GABRR2: variants seen among roughly 807,000 people sequenced by gnomAD.
GABRR2 encodes gamma-aminobutyric acid receptor subunit rho-2.
Under a neutral mutation model 47.0 loss-of-function variants are expected in GABRR2, and 36 were observed. The ratio of observed to expected loss-of-function variants is 0.77; its 90% confidence interval spans 0.59 to 1.01. The LOEUF (loss-of-function observed/expected upper bound fraction) is 1.01. Ranked by LOEUF, GABRR2 falls within the 50% of genes least tolerant of loss-of-function variation. GABRR2 has a pLI of 0.00. For synonymous variants in GABRR2, 204 were observed against 227.5 expected, an observed-to-expected ratio of 0.90 and a Z score of 0.93; for missense variants, 587 against 594.6, an observed-to-expected ratio of 0.99 and a Z score of 0.13.
chr6:89,261,577 C>A (rs1773746484), intron 8 of GABRR2, among the ~76,000 whole-genome samples: 1 of 152,188 alleles, frequency 6.6e-6, no homozygotes, highest in African/African-American at 2.4e-5. Context: ...AGAACAGATT[C>A]TTTATGGCCA....
intron 1 of GABRR2, among the ~76,000 whole-genome samples, chr6:89,312,244 T>G (rs1025354688): frequency 6.6e-6 from 1 of 152,156 alleles, no homozygotes; most frequent in Admixed American, 6.5e-5. Context: ...GTTGGAAGGC[T>G]GAGAGCTGGG....
chr6:89,307,132 A>T (rs1767581640), intron 1 of GABRR2, among the ~76,000 whole-genome samples: 2 of 152,200 alleles, frequency 1.3e-5, no homozygotes, highest in Admixed American at 1.3e-4. Context: ...CATTTGGTCA[A>T]CATCATCTGT....
At chr6:89,288,036 G>A (rs1774361084) in intron 2 of GABRR2, among the ~76,000 whole-genome samples, 1 of 152,206 alleles carries the variant, frequency 6.6e-6, no homozygotes, top group Admixed American at 6.5e-5. Context: ...CAGAGTGGTG[G>A]TTTTCAAACA....
At chr6:89,258,649 A>T (rs1428419591) in intron 8 of GABRR2, among the ~76,000 whole-genome samples, 1 of 151,168 alleles carries the variant, frequency 6.6e-6, no homozygotes, top group Non-Finnish European at 1.5e-5. Context: ...TGAGCTCAAG[A>T]GGTCAAGGCT....
intron 2 of GABRR2, among the ~76,000 whole-genome samples, chr6:89,272,547 A>T (rs781482174): frequency 6.6e-6 from 1 of 152,014 alleles, no homozygotes; most frequent in Non-Finnish European, 1.5e-5. Context: ...ATTTTTTTTA[A>T]ACTTAGAAAG....
At chr6:89,298,074 G>A (rs1410680113) in intron 2 of GABRR2, among the ~76,000 whole-genome samples, 8 of 152,194 alleles carry the variant, frequency 5.3e-5, no homozygotes, top group Admixed American at 2.0e-4. Flanking sequence ...TGCCCATGAC[G>A]AATCCCCGAG....
In GABRR2 at chr6:89,257,777, C is replaced by A. The variant is rs185415592; in HGVS notation, c.1291G>T (p.Gly431Cys). The A allele has an allele frequency of 1.9e-6, 3 of 1,614,000 alleles. No individual in the cohort carries two copies. Among genetic ancestry groups the A allele is most frequent in the East Asian group, 4.5e-5 (2 of 44,882 alleles). ...TGGGTATTCTGGAAGATACGAAAAC[C>A]CGTCTGGCCCTTCAGAAGCCCCTTC... The part of the protein sequence containing the change: ...RKKGLLKGQT[G>C]FRIFQNTHAI... The change falls in exon 9 of 9, where the codon GGT becomes TGT. Residue 431 changes from glycine to cysteine, a missense_variant. By Grantham distance (159) the Gly-to-Cys change is radical (BLOSUM62 -3). Coordinates refer to ENST00000402938, the MANE Select transcript of GABRR2 (RefSeq NM_002043.5).
At chr6:89,302,969 T>C (rs1468736230) in intron 1 of GABRR2, 2 of 1,295,604 alleles carry the variant, frequency 1.5e-6, no homozygotes, top group Non-Finnish European at 2.1e-6. Flanking sequence ...GGCAAGGGCA[T>C]GGACGAGATG....
At chr6:89,301,093 A>G (rs1156648425) in intron 1 of GABRR2, among the ~76,000 whole-genome samples, 1 of 152,256 alleles carries the variant, frequency 6.6e-6, no homozygotes, top group East Asian at 1.9e-4. Context: ...TAACATACGC[A>G]AATCAATAAA....
chr6:89,267,471 G>T (rs747206946), intron 6 of GABRR2, among the ~76,000 whole-genome samples: 1 of 152,212 alleles, frequency 6.6e-6, no homozygotes, highest in Non-Finnish European at 1.5e-5. Context: ...GGAGGCTGAC[G>T]TGGGAGGATC....
Position 89,271,682 on chromosome 6 carries a change from G to T in GABRR2, c.261C>A (p.Ser87Arg). 6.2e-7 allele frequency: 1 copy of T among 1,612,552 alleles called. No homozygotes were observed. Among genetic ancestry groups the T allele is most frequent in the South Asian group, 1.1e-5 (1 of 90,662 alleles). ...TGTCCACCTCGGAGATGCTGTCCAGGCTCTCCACCTGTACGTCCACGCCCA... is the reference window on the plus strand; with the variant it reads ...TGTCCACCTCGGAGATGCTGTCCAGTCTCTCCACCTGTACGTCCACGCCCA... ...IPVGVDVQVE[S>R]LDSISEVDMD... Residue 87 changes from serine to arginine, a missense_variant, in exon 3 of 9, where the codon AGC becomes AGA. Coordinates refer to ENST00000402938, the MANE Select transcript of GABRR2 (RefSeq NM_002043.5).
intron 2 of GABRR2, among the ~76,000 whole-genome samples, chr6:89,294,005 A>G (rs1338115475): frequency 2.0e-5 from 3 of 152,220 alleles, no homozygotes; most frequent in East Asian, 1.9e-4. Flanking sequence ...AGGTCACCCA[A>G]CGGGTATCTA....
chr6:89,260,987 C>T (rs368571004), intron 8 of GABRR2, among the ~76,000 whole-genome samples: 8 of 152,364 alleles, frequency 5.3e-5, no homozygotes, highest in African/African-American at 1.9e-4. Context: ...CGAGCTCTCA[C>T]CTCAGGATGT....
At chr6:89,303,912 T>C (rs1254891988) in intron 1 of GABRR2, among the ~76,000 whole-genome samples, 6 of 152,132 alleles carry the variant, frequency 3.9e-5, no homozygotes, top group Admixed American at 1.3e-4. Flanking sequence ...ATGCAGAAGA[T>C]TGAAATTGGA....
intron 1 of GABRR2, among the ~76,000 whole-genome samples, chr6:89,305,394 G>T (rs1174279939): frequency 6.6e-6 from 1 of 151,994 alleles, no homozygotes; most frequent in Non-Finnish European, 1.5e-5. Flanking sequence ...AAAAGAATTT[G>T]ATCAGCTGGG....
chr6:89,304,378 A>G (rs1209953156), intron 1 of GABRR2, among the ~76,000 whole-genome samples: 1 of 152,104 alleles, frequency 6.6e-6, no homozygotes, highest in African/African-American at 2.4e-5. Flanking sequence ...GGATCACTTG[A>G]TGTCAGGAGT....
At chr6:89,263,368 A>C (rs1487449430) in intron 8 of GABRR2, among the ~76,000 whole-genome samples, 1 of 152,232 alleles carries the variant, frequency 6.6e-6, no homozygotes, top group Admixed American at 6.5e-5. Context: ...TCCAGTCAAC[A>C]TGAGGCCATT....
Position 89,267,740 on chromosome 6 carries a change from CA to C in GABRR2, c.674del (p.Leu225CysfsTer5). 6.2e-7 allele frequency: 1 copy of C among 1,613,906 alleles called. No homozygotes were observed. The highest frequency in any genetic ancestry group is 2.2e-5 in the East Asian group (1 of 44,886). ...GAAATTTCTGAATCAGAAACTGAGA[CA>C]AGGAGATCTTCTCATCTGTTTTTAG... ...ESLKTDEKISLSQFLIQKFHT... is the reference protein window; with the variant it reads ...ESLKTDEKISXSQFLIQKFHT... On this transcript the variant is annotated frameshift_variant, in exon 6 of 9. Transcript: ENST00000402938. LOFTEE classifies it high-confidence loss of function.
rs1582463268 is a variant in GABRR2, at chr6:89,301,895, G to A, written c.114-2030C>T. 5.3e-6 allele frequency: 6 copies of A among 1,131,976 alleles called. No homozygotes were observed. The East Asian group carries it at 1.4e-4, about 27-fold the overall frequency. 70.1% of individuals were successfully genotyped at this position (1,131,976 alleles called of 1,614,324 possible). ...ATAGACCCCAGCGGCAACTACGTGG[G>A]GAACTCGGACTTGGAGCTGGAGCAG... On this transcript the variant is annotated intron_variant, in intron 1 of 8. Coordinates refer to ENST00000402938, the MANE Select transcript of GABRR2 (RefSeq NM_002043.5).
Sources: allele counts gnomAD v4.1 joint callset (sites outside exome capture counted in the v4.1 genomes callset), GRCh38; gene constraint gnomAD v4.1.1; transcripts MANE v1.5; gene names NCBI Gene and HGNC (gene_info 2026-07-23, HGNC 2026-07-21).